Variants in PCDHGA2 observed in about 807,000 individuals in gnomAD.
PCDHGA2 encodes protocadherin gamma-A2.
In PCDHGA2, 40 loss-of-function variants were observed where a neutral mutation model predicts 59.2. The ratio of observed to expected loss-of-function variants is 0.68; its 90% CI spans 0.52 to 0.88. The LOEUF (loss-of-function observed/expected upper bound fraction) is 0.88. Among genes scored for constraint, PCDHGA2 ranks in the 40% least tolerant of loss-of-function variants. PCDHGA2 has a pLI of 0.00. For synonymous variants in PCDHGA2, 560 were observed against 526.0 expected, an observed-to-expected ratio of 1.06 and a Z score of -0.89; for missense variants, 1,226 against 1,204.0, an observed-to-expected ratio of 1.02 and a Z score of -0.27.
intron 1 of PCDHGA2, chr5:141,417,577 C>A: frequency 2.3e-6 from 1 of 439,676 alleles, no homozygotes; most frequent in Non-Finnish European, 4.0e-6. Flanking sequence ...AAGTTGCAGT[C>A]CCACACAGAG....
intron 1 of PCDHGA2, chr5:141,371,624 G>A (rs1429175978): frequency 6.2e-7 from 1 of 1,613,994 alleles, no homozygotes. Context: ...ATGGAGCCCT[G>A]GACCGGGAGC....
At chr5:141,350,053 AAAGG>A in intron 1 of PCDHGA2, 1 of 403,962 alleles carries the variant, frequency 2.5e-6, no homozygotes, top group Non-Finnish European at 4.3e-6. Flanking sequence ...CTGTCGACCA[AAAGG>A]AAGTGAAGGC....
At position 141,340,325 on chromosome 5, in the gene PCDHGA2, T is replaced by C. The variant is rs1252963204; in HGVS notation, c.1354T>C (p.Phe452Leu). Reference protein sequence around the residue: ...VADINDNAPAFSRTSYSTYIP... With the variant: ...VADINDNAPALSRTSYSTYIP... ...AGACATCAACGACAACGCACCCGCC[T>C]TCTCCCGCACATCCTACTCCACCTA... Residue 452 changes from phenylalanine to leucine, a missense_variant, in exon 1 of 4, where the codon TTC (phenylalanine) becomes CTC (leucine). Phe to Leu is a conservative substitution (Grantham distance 22). Transcript: ENST00000394576. 1 of 1,614,078 alleles carries C rather than the reference T, an allele frequency of 6.2e-7. No homozygotes were observed. Among genetic ancestry groups the C allele is most frequent in the Admixed American group, 1.7e-5 (1 of 60,020 alleles).
At chr5:141,389,008 G>A in intron 1 of PCDHGA2, 1 of 1,613,992 alleles carries the variant, frequency 6.2e-7, no homozygotes. Flanking sequence ...AAGGATTCCA[G>A]ACACAATGGA....
At chr5:141,409,081 A>G (rs1220843821) in intron 1 of PCDHGA2, 3 of 1,613,820 alleles carry the variant, frequency 1.9e-6, no homozygotes, top group Non-Finnish European at 2.5e-6. Context: ...ATATGTTCTC[A>G]TTGGATGAGA....
At position 141,486,827 on chromosome 5, in the gene PCDHGA2, C is replaced by G. The variant is rs758132181; in HGVS notation, c.2425-7980C>G. 1.2e-6 allele frequency: 2 copies of G among 1,614,228 alleles called. No homozygotes were observed. Among genetic ancestry groups the G allele is most frequent in the Admixed American group, 1.7e-5 (1 of 60,034 alleles). On this transcript the variant is annotated intron_variant, in intron 1 of 3. Transcript: ENST00000394576. This position sits in a 1 kb window ranked among gnomAD's most constrained non-coding sequence, Gnocchi z 5.0. ...ACCCCTTAGCAGCACTGTAACAGTTCGTCTATTTGTGCTGGACCTCAATGA... is the reference window on the plus strand; with the variant it reads ...ACCCCTTAGCAGCACTGTAACAGTTGGTCTATTTGTGCTGGACCTCAATGA...
intron 1 of PCDHGA2, chr5:141,341,676 C>G (rs1015055420): frequency 1.7e-6 from 1 of 594,596 alleles, no homozygotes; most frequent in Non-Finnish European, 2.8e-6. Flanking sequence ...GTTTCTTATA[C>G]TTTCTTCTCC....
intron 1 of PCDHGA2, chr5:141,361,682 C>A (rs767724401): frequency 6.2e-7 from 1 of 1,613,466 alleles, no homozygotes; most frequent in African/African-American, 1.3e-5. Flanking sequence ...GTGGTGTTCG[C>A]GCAGCGCGCC....
chr5:141,364,666 CA>C (rs747851632), intron 1 of PCDHGA2: 66 of 1,614,024 alleles, frequency 4.1e-5, no homozygotes, highest in Non-Finnish European at 5.3e-5. Context: ...TGGTTGAGAA[CA>C]AAATGAAAAT....
chr5:141,413,002 G>A, intron 1 of PCDHGA2: 2 of 597,506 alleles, frequency 3.3e-6, no homozygotes, highest in East Asian at 3.0e-5. Context: ...GGATTCTCAG[G>A]GCTTCAACTA....
chr5:141,428,037 C>G lies in PCDHGA2; in HGVS notation c.2425-66770C>G, dbSNP rs762273592. 3.7e-6 allele frequency: 6 copies of G among 1,608,340 alleles called. No homozygotes were observed. In the African/African-American group the frequency reaches 8.0e-5, roughly 21 times the overall value. ...GCCACGCGCCGCAGAGTCCGGCTACCTGGTGACCAAGGTGGTGGCGGTGGA... is the reference window on the plus strand; with the variant it reads ...GCCACGCGCCGCAGAGTCCGGCTACGTGGTGACCAAGGTGGTGGCGGTGGA... On this transcript the variant is annotated intron_variant, in intron 1 of 3. Coordinates refer to ENST00000394576, the MANE Select transcript of PCDHGA2 (RefSeq NM_018915.4).
intron 1 of PCDHGA2, chr5:141,351,782 G>A (rs575679144): frequency 1.2e-6 from 2 of 1,613,456 alleles, no homozygotes; most frequent in Non-Finnish European, 1.7e-6. Flanking sequence ...CCCGCAGAGC[G>A]GGGTGGTGTT....
At chr5:141,425,457 T>G (rs936918643) in intron 1 of PCDHGA2, among the ~76,000 whole-genome samples, 6 of 152,318 alleles carry the variant, frequency 3.9e-5, no homozygotes, top group Admixed American at 6.5e-5. Flanking sequence ...ACCATCACAT[T>G]TCATGTTATT....
intron 1 of PCDHGA2, chr5:141,372,380 A>C (rs1201023988): frequency 8.7e-6 from 14 of 1,613,964 alleles, no homozygotes; most frequent in Non-Finnish European, 1.2e-5. Flanking sequence ...TGCTGCACCT[A>C]ATCTTCGCAG....
rs1033888717 is a variant in PCDHGA2 at position 141,512,540 on chromosome 5, T to C, written c.*1367T>C. 6.5e-6 allele frequency: 1 copy of C among 152,886 alleles called. No homozygotes were observed. Among genetic ancestry groups the C allele is most frequent in the African/African-American group, 2.4e-5 (1 of 41,476 alleles). 9.5% of individuals were successfully genotyped at this position (152,886 alleles called of 1,614,324 possible). ...CCATAGCCTGGTTAAAGTTCCCCAGTGCCTCCTTGTGCATAGACCTTCTTC... is the reference window on the plus strand; with the variant it reads ...CCATAGCCTGGTTAAAGTTCCCCAGCGCCTCCTTGTGCATAGACCTTCTTC... On this transcript the variant is annotated 3_prime_UTR_variant, in exon 4 of 4. Transcript: ENST00000394576.
At chr5:141,344,776 G>T (rs774225776) in intron 1 of PCDHGA2, 14 of 1,613,948 alleles carry the variant, frequency 8.7e-6, no homozygotes, top group Non-Finnish European at 1.1e-5. Context: ...CCTGAGTACC[G>T]TGTGAGTGTT....
chr5:141,470,658 G>T lies in PCDHGA2; in HGVS notation c.2425-24149G>T, dbSNP rs527415532. Among the ~76,000 whole-genome samples the T allele has an allele frequency of 4.7e-3, 721 of 152,024 alleles. 9 individuals carry two copies. The highest frequency in any genetic ancestry group is 6.7e-3 in the Non-Finnish European group (452 of 67,944). On this transcript the variant is annotated intron_variant, in intron 1 of 3. Transcript: ENST00000394576. ...CTTGCTTTGAAGGCCCCTACCCTTT[G>T]GTTAGGGCTCTGCTGTTACCATCTT... is the stretch of plus-strand genomic sequence containing the variant.
chr5:141,506,415 C>T lies in PCDHGA2; in HGVS notation c.2572+934C>T, dbSNP rs2099853185. 2.0e-5 allele frequency among the ~76,000 whole-genome samples: 3 copies of T among 148,290 alleles called. No homozygotes were observed. The South Asian group carries it at 6.4e-4, about 32-fold the overall frequency. On this transcript the variant is annotated intron_variant, in intron 3 of 3. Coordinates refer to ENST00000394576, the MANE Select transcript of PCDHGA2 (RefSeq NM_018915.4). ...GAGCAGAAAATCGCACCACTGCACT[C>T]CAGCCTGGGCAACAGTCTCGCTCTG...
intron 1 of PCDHGA2, chr5:141,385,077 G>A (rs752305852): frequency 9.9e-6 from 16 of 1,614,096 alleles, no homozygotes; most frequent in Non-Finnish European, 1.4e-5. Flanking sequence ...GCCTGCTGCA[G>A]GCTTCAGAAG....
Sources: allele counts gnomAD v4.1 joint callset (sites outside exome capture counted in the v4.1 genomes callset), GRCh38; gene constraint gnomAD v4.1.1; non-coding constraint Gnocchi (gnomAD v3.1); transcripts MANE v1.5; gene names NCBI Gene and HGNC (gene_info 2026-07-23, HGNC 2026-07-21).